CDKAL1: variants seen among roughly 807,000 people sequenced by gnomAD.
CDKAL1 encodes the protein CDKAL1 threonylcarbamoyladenosine tRNA methylthiotransferase.
CDKAL1 carries 32 observed loss-of-function variants against 68.2 expected under a neutral mutation model. That is an observed-to-expected ratio of 0.47 (90% CI 0.35 to 0.63). The LOEUF (loss-of-function observed/expected upper bound fraction) is 0.63. CDKAL1 is among the 30% of genes least tolerant of loss of function. CDKAL1 has a pLI of 0.00. For synonymous variants in CDKAL1, 234 were observed against 244.3 expected (o/e 0.96, Z 0.39); for missense variants, 606 against 696.7 (o/e 0.87, Z 1.47).
chr6:21,212,270 A>G (rs571841971), intron 15 of CDKAL1, among the ~76,000 whole-genome samples: 4 of 152,314 alleles, frequency 2.6e-5, no homozygotes, highest in South Asian at 4.1e-4. Context: ...CAGGGAACCT[A>G]CATGATAGGT....
At chr6:20,553,877 G>A (rs972600670) in intron 4 of CDKAL1, among the ~76,000 whole-genome samples, 4 of 151,532 alleles carry the variant, frequency 2.6e-5, no homozygotes, top group Non-Finnish European at 1.5e-5. Flanking sequence ...CTCCCAAAGC[G>A]CTGGGATTAC....
intron 11 of CDKAL1, among the ~76,000 whole-genome samples, chr6:21,030,460 G>T (rs151184117): frequency 6.6e-6 from 1 of 152,070 alleles, no homozygotes; most frequent in Non-Finnish European, 1.5e-5. Flanking sequence ...AAACCTACAC[G>T]TTCTGCACTT....
intron 9 of CDKAL1, among the ~76,000 whole-genome samples, chr6:20,942,483 G>A (rs909943988): frequency 5.5e-4 from 82 of 149,576 alleles, no homozygotes; most frequent in Non-Finnish European, 1.0e-3. Flanking sequence ...TTCTCCTGCC[G>A]CAGCCTTCCA....
chr6:21,218,309 A>T (rs530891434), intron 15 of CDKAL1, among the ~76,000 whole-genome samples: 1 of 152,204 alleles, frequency 6.6e-6, no homozygotes, highest in Non-Finnish European at 1.5e-5. Context: ...GTATGTGTGA[A>T]TTGGTATCCA....
chr6:21,061,289 A>G (rs903358826), intron 11 of CDKAL1, among the ~76,000 whole-genome samples: 10 of 152,104 alleles, frequency 6.6e-5, no homozygotes, highest in African/African-American at 2.4e-4. Context: ...CAGTAAATAT[A>G]GGAGAGAAAA....
chr6:21,159,020 A>C (rs1263363896), intron 13 of CDKAL1, among the ~76,000 whole-genome samples: 1 of 151,340 alleles, frequency 6.6e-6, no homozygotes, highest in South Asian at 2.1e-4. Context: ...TGTTTTGACC[A>C]TTGTCAACAT....
intron 13 of CDKAL1, among the ~76,000 whole-genome samples, chr6:21,193,798 C>G (rs529349459): frequency 6.6e-6 from 1 of 152,340 alleles, no homozygotes; most frequent in Non-Finnish European, 1.5e-5. Context: ...ACGCCACCCA[C>G]CAGACCATTC....
At chr6:20,910,253 T>C (rs1028924576) in intron 9 of CDKAL1, among the ~76,000 whole-genome samples, 2 of 152,176 alleles carry the variant, frequency 1.3e-5, no homozygotes, top group Non-Finnish European at 2.9e-5. Context: ...GGAATTTGTA[T>C]TCATAACAAG....
intron 13 of CDKAL1, among the ~76,000 whole-genome samples, chr6:21,175,989 G>A (rs563809388): frequency 2.5e-4 from 38 of 152,364 alleles, no homozygotes; most frequent in African/African-American, 8.7e-4. Context: ...GGCTGTGCCC[G>A]TCACCTACCA....
intron 13 of CDKAL1, among the ~76,000 whole-genome samples, chr6:21,122,803 G>GT (rs66935416): frequency 0.037 from 3,951 of 105,786 alleles, 236 homozygotes; most frequent in East Asian, 0.31. Context: ...CCCCAGTTAG[G>GT]TTTTTTTTTT....
At chr6:20,917,850 A>T (rs1046202908) in intron 9 of CDKAL1, among the ~76,000 whole-genome samples, 1 of 152,248 alleles carries the variant, frequency 6.6e-6, no homozygotes, top group Non-Finnish European at 1.5e-5. Flanking sequence ...AGATGATAGT[A>T]TTAAGGAATG....
rs542960358 is a variant in CDKAL1, at chr6:21,095,696, T to C, written c.1237-12705T>C. Among the ~76,000 whole-genome samples, 23 of 152,162 alleles carry C rather than the reference T, an allele frequency of 1.5e-4. No homozygotes were observed. In the East Asian group the frequency reaches 1.7e-3, roughly 12 times the overall value. Reference sequence around the variant, plus strand: ...ACTGGCTATCTCTGTGTAGTATCCCTTGCTCTACAACATAAAAAAGAAAAT... The same window carrying C: ...ACTGGCTATCTCTGTGTAGTATCCCCTGCTCTACAACATAAAAAAGAAAAT... On this transcript the variant is annotated intron_variant, in intron 12 of 15. Transcript: ENST00000274695.
intron 5 of CDKAL1, among the ~76,000 whole-genome samples, chr6:20,716,280 A>G (rs555444122): frequency 6.6e-6 from 1 of 152,308 alleles, no homozygotes; most frequent in Admixed American, 6.5e-5. Flanking sequence ...GATGAGGTCA[A>G]ATGGGGCCTA....
intron 4 of CDKAL1, among the ~76,000 whole-genome samples, chr6:20,619,181 A>G (rs1394049821): frequency 6.6e-6 from 1 of 152,132 alleles, no homozygotes; most frequent in Non-Finnish European, 1.5e-5. Context: ...TCAGATTTGT[A>G]CTCCAAAGGC....
chr6:20,762,639 A>G (rs1417469826), intron 7 of CDKAL1, among the ~76,000 whole-genome samples: 1 of 152,216 alleles, frequency 6.6e-6, no homozygotes, highest in Non-Finnish European at 1.5e-5. Context: ...TCTGAGGCTT[A>G]GTTTTCTCAG....
chr6:20,538,256 T>G (rs1763256034), intron 2 of CDKAL1, among the ~76,000 whole-genome samples: 1 of 152,108 alleles, frequency 6.6e-6, no homozygotes, highest in African/African-American at 2.4e-5. Flanking sequence ...TTTCTGGGTA[T>G]TTGTATTTCT....
intron 9 of CDKAL1, among the ~76,000 whole-genome samples, chr6:20,870,377 A>T (rs767214811): frequency 2.6e-5 from 4 of 152,230 alleles, no homozygotes; most frequent in Non-Finnish European, 4.4e-5. Context: ...ACCCTACTAT[A>T]AGAGGTTAAC....
At position 21,061,387 on chromosome 6, in the gene CDKAL1, A is replaced by T. The variant is rs189863522; in HGVS notation, c.1056-3661A>T. Among the ~76,000 whole-genome samples, 3 of 152,248 alleles carry T rather than the reference A, an allele frequency of 2.0e-5. No individual in the cohort carries two copies. In the East Asian group the frequency reaches 5.8e-4, roughly 29 times the overall value. ...TTCAGAATTATTTTCTAATACTAGT[A>T]TGAAAACATACATAAAGTTCCTAAA... is the stretch of plus-strand genomic sequence containing the variant. On this transcript the variant is annotated intron_variant, in intron 11 of 15. Coordinates refer to ENST00000274695, the MANE Select transcript of CDKAL1 (RefSeq NM_017774.3).
At chr6:21,087,191 T>C (rs569242225) in intron 12 of CDKAL1, among the ~76,000 whole-genome samples, 2 of 152,306 alleles carry the variant, frequency 1.3e-5, no homozygotes, top group East Asian at 1.9e-4. Flanking sequence ...CCAGATGTCA[T>C]TGGAAATAGA....
Sources: gnomAD v4.1 joint callset for allele counts (sites outside exome capture counted in the v4.1 genomes callset) on GRCh38, gnomAD v4.1.1 for gene constraint, MANE v1.5 for transcripts, NCBI Gene and HGNC (gene_info 2026-07-23, HGNC 2026-07-21) for gene names.